Variants in DCUN1D2 observed in about 807,000 individuals in gnomAD.
The protein encoded by DCUN1D2 is defective in cullin neddylation 1 domain containing 2.
A neutral mutation model predicts 30.9 loss-of-function variants in DCUN1D2; 29 were observed. The ratio of observed to expected loss-of-function variants is 0.94; its 90% CI spans 0.70 to 1.28. DCUN1D2 has a LOEUF of 1.28. Among genes scored for constraint, DCUN1D2 ranks in the 50% most tolerant of loss-of-function variants. The pLI, the probability that DCUN1D2 is intolerant of heterozygous loss-of-function variation, is 0.00. For missense variants in DCUN1D2, 325 were observed against 316.9 expected, an observed-to-expected ratio of 1.03 and a Z score of -0.19; for synonymous variants, 121 against 115.3, an observed-to-expected ratio of 1.05 and a Z score of -0.32.
intron 4 of DCUN1D2, chr13:113,462,940 T>A (rs751573806): frequency 2.3e-5 from 26 of 1,148,038 alleles, no homozygotes; most frequent in African/African-American, 3.3e-5. Flanking sequence ...TTAATCTAGT[T>A]ACTTTGGGTT....
chr13:113,468,599 C>T (rs2044448178), intron 4 of DCUN1D2, among the ~76,000 whole-genome samples: 1 of 152,170 alleles, frequency 6.6e-6, no homozygotes, highest in Non-Finnish European at 1.5e-5. Flanking sequence ...GCGAGACGTG[C>T]CACGCTCCAT....
At chr13:113,473,998 G>C in intron 4 of DCUN1D2, 126 bp downstream of exon 4, 3 of 1,167,298 alleles carry the variant, frequency 2.6e-6, no homozygotes, top group Admixed American at 2.1e-5. Context: ...GAGCAAGACC[G>C]TATCTCCAAA....
intron 4 of DCUN1D2, among the ~76,000 whole-genome samples, chr13:113,473,710 A>G (rs1378311897): frequency 6.6e-6 from 1 of 152,236 alleles, no homozygotes; most frequent in Non-Finnish European, 1.5e-5. Flanking sequence ...GAGGGTGGTA[A>G]CGTTACAGCT....
At chr13:113,458,521 C>T (rs997977140) in intron 6 of DCUN1D2, among the ~76,000 whole-genome samples, 2 of 152,252 alleles carry the variant, frequency 1.3e-5, no homozygotes. Context: ...GCTCCCTTCC[C>T]CACCCCGGCA....
chr13:113,487,354 T>C (rs574225704), intron 1 of DCUN1D2, among the ~76,000 whole-genome samples: 82 of 152,370 alleles, frequency 5.4e-4, no homozygotes, highest in African/African-American at 1.8e-3. Flanking sequence ...CAACATTTAC[T>C]ATATCCATAT....
chr13:113,475,541 G>A (rs2044601450), intron 3 of DCUN1D2: 1 of 152,248 alleles, frequency 6.6e-6, no homozygotes, highest in African/African-American at 2.4e-5. Flanking sequence ...GTCTCTGAGT[G>A]ACGCATGGCT....
chr13:113,464,150 T>C (rs1055043130), intron 4 of DCUN1D2, among the ~76,000 whole-genome samples: 2 of 152,252 alleles, frequency 1.3e-5, no homozygotes, highest in Non-Finnish European at 2.9e-5. Flanking sequence ...TTTTCTTTAA[T>C]AAAATTTCAT....
At chr13:113,477,574 T>A (rs1440661490) in intron 3 of DCUN1D2, among the ~76,000 whole-genome samples, 1 of 152,174 alleles carries the variant, frequency 6.6e-6, no homozygotes, top group Non-Finnish European at 1.5e-5. Context: ...ATAGAAACAG[T>A]CATTTGGGTT....
intron 4 of DCUN1D2, among the ~76,000 whole-genome samples, chr13:113,465,024 C>CA (rs1157071723): frequency 2.0e-5 from 3 of 152,336 alleles, no homozygotes; most frequent in Admixed American, 1.3e-4. Flanking sequence ...ATAATACCTA[C>CA]ATATGACAGT....
Position 113,456,334 on chromosome 13 carries a change from T to C in DCUN1D2, c.*1695A>G, listed in dbSNP as rs2044225846. 2.5e-6 allele frequency: 1 copy of C among 398,730 alleles called. No homozygotes were observed. 24.7% of individuals were successfully genotyped at this position (398,730 alleles called of 1,614,324 possible). Reference sequence around the variant, plus strand: ...GTCCCTGCTGCCCTCTGTGACCATCTCTGCTAAGAAACATCGACAGTTCGT... The same window carrying C: ...GTCCCTGCTGCCCTCTGTGACCATCCCTGCTAAGAAACATCGACAGTTCGT... On this transcript the variant is annotated 3_prime_UTR_variant, in exon 7 of 7. Coordinates refer to ENST00000478244, the MANE Select transcript of DCUN1D2 (RefSeq NM_001014283.2).
At chr13:113,487,963 T>C (rs1207671820) in intron 1 of DCUN1D2, among the ~76,000 whole-genome samples, 3 of 152,220 alleles carry the variant, frequency 2.0e-5, no homozygotes, top group Non-Finnish European at 4.4e-5. Flanking sequence ...ATACAACTGA[T>C]GACTCCACAC....
intron 2 of DCUN1D2, among the ~76,000 whole-genome samples, chr13:113,483,618 T>C (rs1343854255): frequency 1.3e-5 from 2 of 152,182 alleles, no homozygotes; most frequent in East Asian, 3.9e-4. Context: ...GCCCCATCGC[T>C]GACTCCACTC....
At chr13:113,486,580 C>T (rs2044807927) in intron 1 of DCUN1D2, among the ~76,000 whole-genome samples, 1 of 152,196 alleles carries the variant, frequency 6.6e-6, no homozygotes, top group African/African-American at 2.4e-5. Context: ...TGATGCTAGG[C>T]AATTAACATT....
intron 4 of DCUN1D2, among the ~76,000 whole-genome samples, chr13:113,467,256 G>A (rs2044421312): frequency 6.6e-6 from 1 of 152,140 alleles, no homozygotes; most frequent in Non-Finnish European, 1.5e-5. Flanking sequence ...TGTATCTCTA[G>A]GTAGAAATAT....
Position 113,483,932 on chromosome 13 carries a change from C to A in DCUN1D2, c.128G>T (p.Ser43Ile), listed in dbSNP as rs551135861. ...GAGCGAGTCTGGGTTTTGGAAGAAG[C>A]TGTCCGTGGCCTCGTCTAGTCTCCA... ...NEWRLDEATD[S>I]FFQNPDSLHR... The change falls in exon 2 of 7, where the codon AGC becomes ATC. Residue 43 changes from serine to isoleucine, a missense_variant. Physicochemically the swap from Ser to Ile is moderately radical, Grantham distance 142. Transcript: ENST00000478244. 1.2e-6 allele frequency: 2 copies of A among 1,614,134 alleles called. No individual in the cohort carries two copies. Among genetic ancestry groups the A allele is most frequent in the Admixed American group, 3.3e-5 (2 of 60,038 alleles).
intron 5 of DCUN1D2, 64 bp downstream of exon 5, chr13:113,460,989 GC>G: frequency 1.0e-6 from 1 of 992,654 alleles, no homozygotes; most frequent in Non-Finnish European, 1.5e-6. Flanking sequence ...ATGATTACAT[GC>G]AGCCTCATAC....
At chr13:113,483,754 C>T in intron 2 of DCUN1D2, 86 bp downstream of exon 2, 1 of 1,373,748 alleles carries the variant, frequency 7.3e-7, no homozygotes, top group South Asian at 1.3e-5. Context: ...CGGAGACCTG[C>T]CCCGGCACCA....
At chr13:113,472,837 C>G (rs1233827238) in intron 4 of DCUN1D2, among the ~76,000 whole-genome samples, 2 of 152,234 alleles carry the variant, frequency 1.3e-5, no homozygotes, top group African/African-American at 2.4e-5. Context: ...GAGGGCCCAA[C>G]AGGCCCCAGG....
intron 4 of DCUN1D2, among the ~76,000 whole-genome samples, chr13:113,467,901 G>A (rs1014350431): frequency 1.1e-4 from 16 of 151,874 alleles, no homozygotes; most frequent in Non-Finnish European, 2.2e-4. Flanking sequence ...AAAATTAGCC[G>A]GGCGTGGTGG....
Sources: allele counts gnomAD v4.1 joint callset (sites outside exome capture counted in the v4.1 genomes callset), GRCh38; gene constraint gnomAD v4.1.1; transcripts MANE v1.5; gene names NCBI Gene and HGNC (gene_info 2026-07-23, HGNC 2026-07-21).